Variants in MAMDC2 observed in about 807,000 individuals in gnomAD.
MAMDC2 encodes the protein MAM domain-containing protein 2.
In MAMDC2, 57 loss-of-function variants were observed where a neutral mutation model predicts 89.8. That is an observed-to-expected ratio of 0.63 (90% confidence interval 0.51 to 0.79). The LOEUF is 0.79. Among genes scored for constraint, MAMDC2 ranks in the 30% least tolerant of loss-of-function variants. The pLI is 0.00. For missense variants in MAMDC2, 800 were observed against 820.6 expected, an observed-to-expected ratio of 0.97 and a Z score of 0.31; for synonymous variants, 313 against 293.4, an observed-to-expected ratio of 1.07 and a Z score of -0.68.
At chr9:70,124,044 ACCTGAATTCCAGGCTAGGATG>A (rs2030413157) in intron 5 of MAMDC2, among the ~76,000 whole-genome samples, 1 of 152,106 alleles carries the variant, frequency 6.6e-6, no homozygotes, top group South Asian at 2.1e-4. Context: ...TGCCGTGAAA[ACCTGAATTCCAGGCTAGGATG>A]GGGAAAGCCT....
chr9:70,221,380 T>TATATATATATATAGAGAGAG, intron 12 of MAMDC2, among the ~76,000 whole-genome samples: 3 of 7,040 alleles, frequency 4.3e-4, no homozygotes, highest in South Asian at 0.016. Flanking sequence ...TATATATATA[T>TATATATATATATAGAGAGAG]AGAGAGAGAG....
intron 2 of MAMDC2, among the ~76,000 whole-genome samples, chr9:70,080,559 G>T (rs1563944623): frequency 6.6e-6 from 1 of 152,164 alleles, no homozygotes; most frequent in Non-Finnish European, 1.5e-5. Flanking sequence ...AAAAAAGGAA[G>T]AAAAAAGTGC....
In MAMDC2 at chr9:70,162,631, C is replaced by T. The variant is rs185116383; in HGVS notation, c.1405-6071C>T. On this transcript the variant is annotated intron_variant, in intron 9 of 13. Transcript: ENST00000377182. ...TCAACCTCCTGAGTAACTGGAACTA[C>T]AGGTGTACACCACCGTGCCCAGCTA... Among the ~76,000 whole-genome samples, 550 of 152,044 alleles carry T rather than the reference C, an allele frequency of 3.6e-3. 4 individuals carry two copies. Among genetic ancestry groups the T allele is most frequent in the African/African-American group, 0.012 (492 of 41,506 alleles).
chr9:70,198,213 A>C (rs987301188), intron 11 of MAMDC2, among the ~76,000 whole-genome samples: 1 of 150,526 alleles, frequency 6.6e-6, no homozygotes, highest in Non-Finnish European at 1.5e-5. Context: ...ATAATATATA[A>C]TAAAGTTTAA....
intron 11 of MAMDC2, among the ~76,000 whole-genome samples, chr9:70,216,610 AAC>A (rs1397637047): frequency 2.0e-5 from 3 of 152,094 alleles, no homozygotes; most frequent in Non-Finnish European, 4.4e-5. Context: ...ATCCATTCCA[AAC>A]ACAAATGTAA....
At chr9:70,191,167 T>G (rs528995544) in intron 11 of MAMDC2, among the ~76,000 whole-genome samples, 1 of 152,112 alleles carries the variant, frequency 6.6e-6, no homozygotes, top group African/African-American at 2.4e-5. Flanking sequence ...TCTTGGATTG[T>G]GAAAAGCCTT....
chr9:70,170,546 A>G lies in MAMDC2; in HGVS notation c.1566A>G (p.Lys522=). ...ATGAATGTACATTTACTCAGGAGAA[A>G]AGAAACCGGAGCAGCTGGCACAGGA... ...EQDECTFTQE[K]RNRSSWHRRR... The change falls in exon 11 of 14, where the codon AAA becomes AAG. Residue 522 remains lysine, a synonymous_variant. Transcript: ENST00000377182. The G allele has an allele frequency of 1.2e-6, 2 of 1,613,288 alleles. No individual in the cohort carries two copies. Among genetic ancestry groups the G allele is most frequent in the South Asian group, 2.2e-5 (2 of 90,978 alleles).
intron 2 of MAMDC2, among the ~76,000 whole-genome samples, chr9:70,048,280 G>GTTTTGTCTC (rs1240955648): frequency 6.6e-6 from 1 of 151,926 alleles, no homozygotes; most frequent in African/African-American, 2.4e-5. Context: ...TTTGTTTTTT[G>GTTTTGTCTC]TTTTGTCTCT....
At chr9:70,198,876 A>G (rs2033034090) in intron 11 of MAMDC2, among the ~76,000 whole-genome samples, 1 of 152,186 alleles carries the variant, frequency 6.6e-6, no homozygotes, top group African/African-American at 2.4e-5. Flanking sequence ...AGACAAAAGA[A>G]TATCACAACT....
chr9:70,148,890 G>A (rs905021210), intron 9 of MAMDC2, among the ~76,000 whole-genome samples: 5 of 149,412 alleles, frequency 3.3e-5, no homozygotes, highest in East Asian at 1.9e-4. Context: ...TTAGCCGGGC[G>A]TGGTGGCAAG....
chr9:70,123,271 G>A (rs1656448400), intron 5 of MAMDC2, among the ~76,000 whole-genome samples: 1 of 152,180 alleles, frequency 6.6e-6, no homozygotes, highest in Admixed American at 6.5e-5. Flanking sequence ...AACAGAAGCA[G>A]ATTACAGAAG....
intron 9 of MAMDC2, 30 bp downstream of exon 9, chr9:70,143,849 A>G (rs762451083): frequency 6.2e-7 from 1 of 1,604,712 alleles, no homozygotes; most frequent in Non-Finnish European, 8.5e-7. Flanking sequence ...TCCTGTGTCC[A>G]TGTTCAGTTG....
At chr9:70,215,184 AGCAG>A (rs1303966416) in intron 11 of MAMDC2, among the ~76,000 whole-genome samples, 3 of 152,200 alleles carry the variant, frequency 2.0e-5, no homozygotes, top group Admixed American at 1.3e-4. Context: ...AAGGAGAAAA[AGCAG>A]GAGAATACAG....
intron 2 of MAMDC2, among the ~76,000 whole-genome samples, chr9:70,049,454 GT>G (rs1325645889): frequency 6.6e-6 from 1 of 152,144 alleles, no homozygotes; most frequent in Non-Finnish European, 1.5e-5. Flanking sequence ...AGGATCCCAG[GT>G]TCCTGGGAGA....
chr9:70,198,160 G>GTGTA (rs1554681221), intron 11 of MAMDC2, among the ~76,000 whole-genome samples: 1 of 51,138 alleles, frequency 2.0e-5, no homozygotes, highest in Non-Finnish European at 4.4e-5. Context: ...GTGTATGTGT[G>GTGTA]TATATATATA....
At chr9:70,198,177 TATATACAC>T (rs1245102102) in intron 11 of MAMDC2, among the ~76,000 whole-genome samples, 2 of 27,316 alleles carry the variant, frequency 7.3e-5, no homozygotes, top group Non-Finnish European at 9.5e-5. Context: ...TATATATATA[TATATACAC>T]ACACACACAC....
intron 9 of MAMDC2, among the ~76,000 whole-genome samples, chr9:70,165,695 A>G (rs1438429565): frequency 6.6e-6 from 1 of 152,228 alleles, no homozygotes; most frequent in Non-Finnish European, 1.5e-5. Context: ...AAGTCTATCC[A>G]ATAGAACTTT....
At chr9:70,051,500 G>T (rs965330854) in intron 2 of MAMDC2, among the ~76,000 whole-genome samples, 3 of 152,196 alleles carry the variant, frequency 2.0e-5, no homozygotes, top group African/African-American at 7.2e-5. Context: ...TTGGTAACTT[G>T]TATCTTGGGG....
chr9:70,078,708 G>A (rs1187124117), intron 2 of MAMDC2, among the ~76,000 whole-genome samples: 1 of 152,116 alleles, frequency 6.6e-6, no homozygotes, highest in Admixed American at 6.6e-5. Context: ...CCGGGAGTAG[G>A]ATGTAATTGC....
Sources: gnomAD v4.1 joint callset for allele counts (sites outside exome capture counted in the v4.1 genomes callset) on GRCh38, gnomAD v4.1.1 for gene constraint, MANE v1.5 for transcripts, NCBI Gene and HGNC (gene_info 2026-07-23, HGNC 2026-07-21) for gene names.